ZBTB20: variants seen among roughly 807,000 people sequenced by gnomAD.
The protein encoded by ZBTB20 is zinc finger and BTB domain containing 20, also known as zinc finger and BTB domain-containing protein 20.
A neutral mutation model predicts 56.9 loss-of-function variants in ZBTB20; 9 were observed. The observed-to-expected ratio is 0.16, with a 90% CI of 0.10 to 0.28. The LOEUF (loss-of-function observed/expected upper bound fraction) is 0.28, where lower values mean the gene tolerates loss of function less well. Ranked by LOEUF, ZBTB20 falls within the 10% of genes least tolerant of loss-of-function variation. ZBTB20 has a pLI of 1.00. For synonymous variants in ZBTB20, 417 were observed against 420.7 expected (o/e 0.99, Z 0.11); for missense variants, 655 against 1,003.0 (o/e 0.65, Z 4.69).
intron 6 of ZBTB20, among the ~76,000 whole-genome samples, chr3:114,603,297 T>C (rs1195537500): frequency 6.6e-6 from 1 of 152,018 alleles, no homozygotes; most frequent in Admixed American, 6.6e-5. Flanking sequence ...AGATTTAGTG[T>C]ACTATGCAAA....
chr3:115,080,048 A>G (rs1352936856), intron 1 of ZBTB20, among the ~76,000 whole-genome samples: 1 of 152,176 alleles, frequency 6.6e-6, no homozygotes, highest in African/African-American at 2.4e-5. Context: ...TATATGTTGA[A>G]ACTATACCCC....
At chr3:114,454,510 C>T (rs1174814024) in intron 7 of ZBTB20, 5 of 148,838 alleles carry the variant, frequency 3.4e-5, no homozygotes, top group Admixed American at 3.3e-4. Context: ...CCTCGGTCTC[C>T]TAAAAAAAAA....
intron 5 of ZBTB20, among the ~76,000 whole-genome samples, chr3:114,764,728 T>C (rs1239041228): frequency 2.6e-5 from 4 of 152,192 alleles, no homozygotes; most frequent in Non-Finnish European, 5.9e-5. Flanking sequence ...GAGATATATT[T>C]CTTTAGTTTT....
rs2079089824 is a variant in ZBTB20, at chr3:114,327,091, T to C, written c.*11914A>G. 6.6e-6 allele frequency: 1 copy of C among 152,202 alleles called. No individual in the cohort carries two copies. The highest frequency in any genetic ancestry group is 2.4e-5 in the African/African-American group (1 of 41,448). The allele number at this position is 152,202 out of a possible 1,614,324, so 9.4% of individuals were successfully genotyped here. ...GATGCATTAGTTACTGTTAGGGCTA[T>C]TGATGCTCCTGACAGGTGTCAGCTT... On this transcript the variant is annotated 3_prime_UTR_variant, in exon 12 of 12. Transcript: ENST00000675478.
At chr3:114,371,530 C>A (rs950043680) in intron 10 of ZBTB20, among the ~76,000 whole-genome samples, 3 of 152,200 alleles carry the variant, frequency 2.0e-5, no homozygotes, top group Non-Finnish European at 4.4e-5. Flanking sequence ...GACTCTAAGT[C>A]TCTGAGCCTA....
At chr3:114,457,597 A>C (rs1337064970) in intron 7 of ZBTB20, among the ~76,000 whole-genome samples, 1 of 152,176 alleles carries the variant, frequency 6.6e-6, no homozygotes, top group African/African-American at 2.4e-5. Flanking sequence ...AGATTTTACT[A>C]TATTTCCTGG....
chr3:114,923,645 A>G (rs923111467), intron 3 of ZBTB20, among the ~76,000 whole-genome samples: 5 of 152,158 alleles, frequency 3.3e-5, no homozygotes, highest in African/African-American at 1.2e-4. Context: ...GCTCCTTGAC[A>G]TTGGTCTTGG....
chr3:114,980,230 T>A (rs1252779796), intron 2 of ZBTB20, among the ~76,000 whole-genome samples: 1 of 151,854 alleles, frequency 6.6e-6, no homozygotes, highest in Non-Finnish European at 1.5e-5. Context: ...AACCAACACA[T>A]CAACAAATAA....
intron 2 of ZBTB20, among the ~76,000 whole-genome samples, chr3:114,978,591 T>C (rs975050487): frequency 3.2e-4 from 48 of 151,692 alleles, no homozygotes; most frequent in African/African-American, 1.1e-3. Context: ...TAATAATTTT[T>C]CTCTATATAA....
At chr3:114,558,676 T>G (rs1037743327) in intron 6 of ZBTB20, among the ~76,000 whole-genome samples, 1 of 152,118 alleles carries the variant, frequency 6.6e-6, no homozygotes, top group African/African-American at 2.4e-5. Context: ...ACACAGAAAC[T>G]GTAGTGATTT....
intron 4 of ZBTB20, among the ~76,000 whole-genome samples, chr3:114,816,747 C>T (rs9862058): frequency 0.67 from 101,936 of 152,038 alleles, 39,457 homozygotes; most frequent in East Asian, 0.96. Flanking sequence ...CATGTTAACT[C>T]TTTGTGAATA....
rs527537436 is a variant in ZBTB20, at chr3:114,451,126, G to A, written c.-255+49226C>T. ...TTCAGCTCCTGCTCTACTTTCCAAG[G>A]GTGCTCAGCTGGCCTCACAAAAGCT... On this transcript the variant is annotated intron_variant, in intron 7 of 11. Coordinates refer to ENST00000675478, the MANE Select transcript of ZBTB20 (RefSeq NM_001348800.3). 4.6e-5 allele frequency among the ~76,000 whole-genome samples: 7 copies of A among 150,838 alleles called. No individual in the cohort carries two copies. In the South Asian group the frequency reaches 1.5e-3, roughly 32 times the overall value.
intron 5 of ZBTB20, among the ~76,000 whole-genome samples, chr3:114,798,359 C>A (rs80316755): frequency 2.1e-4 from 13 of 63,256 alleles, no homozygotes; most frequent in Non-Finnish European, 4.0e-5. Flanking sequence ...CAAAAAAAAA[C>A]ACACAAAAAA....
intron 3 of ZBTB20, among the ~76,000 whole-genome samples, chr3:114,961,284 C>T (rs532755355): frequency 1.1e-4 from 16 of 151,812 alleles, no homozygotes; most frequent in African/African-American, 3.9e-4. Context: ...TAGAACTATC[C>T]TCCTTCAATA....
At chr3:115,016,300 G>A (rs1160681445) in intron 2 of ZBTB20, among the ~76,000 whole-genome samples, 1 of 151,932 alleles carries the variant, frequency 6.6e-6, no homozygotes, top group African/African-American at 2.4e-5. Context: ...CTTTTGCTGA[G>A]CAGAAGCTCT....
chr3:114,528,390 A>G (rs2047468330), intron 6 of ZBTB20, among the ~76,000 whole-genome samples: 1 of 152,168 alleles, frequency 6.6e-6, no homozygotes, highest in Admixed American at 6.6e-5. Flanking sequence ...GGACTGTGAA[A>G]TGTCTACATG....
chr3:115,093,306 T>C (rs143540828), intron 1 of ZBTB20, among the ~76,000 whole-genome samples: 1 of 152,184 alleles, frequency 6.6e-6, no homozygotes, highest in African/African-American at 2.4e-5. Flanking sequence ...CTACTGTGTA[T>C]AGGCCGTACC....
intron 3 of ZBTB20, among the ~76,000 whole-genome samples, chr3:114,914,056 G>A (rs1036161328): frequency 5.3e-5 from 8 of 151,852 alleles, no homozygotes; most frequent in Non-Finnish European, 1.2e-4. Flanking sequence ...TTTGGCTATT[G>A]TGGGTCTTTT....
intron 5 of ZBTB20, among the ~76,000 whole-genome samples, chr3:114,785,140 C>G (rs538802676): frequency 2.0e-5 from 3 of 152,152 alleles, no homozygotes; most frequent in Non-Finnish European, 4.4e-5. Flanking sequence ...ACCTTGGGAA[C>G]ATCATCTAAC....
Sources: gnomAD v4.1 joint callset for allele counts (sites outside exome capture counted in the v4.1 genomes callset) on GRCh38, gnomAD v4.1.1 for gene constraint, MANE v1.5 for transcripts, NCBI Gene and HGNC (gene_info 2026-07-23, HGNC 2026-07-21) for gene names.